PCDHA1: variants seen among roughly 807,000 people sequenced by gnomAD.
PCDHA1 encodes the protein protocadherin alpha 1.
Under a neutral mutation model 61.3 loss-of-function variants are expected in PCDHA1, and 42 were observed. The observed-to-expected ratio is 0.69, with a 90% CI of 0.54 to 0.89. The LOEUF is 0.89. PCDHA1 is among the 40% of genes least tolerant of loss of function. The pLI is 0.00. For missense variants in PCDHA1, 1,256 were observed against 1,235.3 expected, an observed-to-expected ratio of 1.02 and a Z score of -0.25; for synonymous variants, 610 against 553.8, an observed-to-expected ratio of 1.10 and a Z score of -1.43.
intron 1 of PCDHA1, chr5:140,807,543 T>C (rs1763959735): frequency 6.2e-7 from 1 of 1,614,164 alleles, no homozygotes; most frequent in South Asian, 1.1e-5. Context: ...GTTTTCCATG[T>C]GGACGTGGAG....
intron 1 of PCDHA1, chr5:140,841,677 T>A (rs2150320586): frequency 5.6e-6 from 9 of 1,614,014 alleles, no homozygotes; most frequent in Non-Finnish European, 7.6e-6. Flanking sequence ...GTTTTCCATG[T>A]GGACGTGGAG....
rs556197231 is a variant in PCDHA1, at chr5:140,969,709, A to C, written c.2395-9240A>C. The stretch of plus-strand genomic sequence containing the variant: ...AAATGGCCTCTGCTGTATCATCTAC[A>C]GGGAAATTTTTCTTTTGAAATCCTA... On this transcript the variant is annotated intron_variant, in intron 1 of 3. Transcript: ENST00000504120. Among the ~76,000 whole-genome samples, 11 of 152,304 alleles carry C rather than the reference A, an allele frequency of 7.2e-5. No individual in the cohort carries two copies. The East Asian group carries it at 1.5e-3, about 21-fold the overall frequency.
rs574140858 is a variant in PCDHA1 at position 140,929,782 on chromosome 5, A to C, written c.2395-49167A>C. On this transcript the variant is annotated intron_variant, in intron 1 of 3. Coordinates refer to ENST00000504120, the MANE Select transcript of PCDHA1 (RefSeq NM_018900.4). The stretch of plus-strand genomic sequence containing the variant: ...GACGATAACCACAAAAGATGTAAAA[A>C]TAAATTACAATGGGGGTTAAAAGAA... The C allele has an allele frequency of 1.8e-5, 3 of 168,346 alleles. No individual in the cohort carries two copies. The Admixed American group carries it at 1.9e-4, about 11-fold the overall frequency. 10.4% of individuals were successfully genotyped at this position (168,346 alleles called of 1,614,324 possible). A position where few individuals can be genotyped will look rare whatever the true frequency, so the allele number is the denominator to read the frequency against.
Position 140,821,852 on chromosome 5 carries a change from G to A in PCDHA1, c.2394+33168G>A, listed in dbSNP as rs1554128268. On this transcript the variant is annotated intron_variant, in intron 1 of 3. Transcript: ENST00000504120. ...CTTCTCCTTGCCTACTGGAAGGCAG[G>A]GAGCGGCCAGCTCCACTACTCGATC... The A allele has an allele frequency of 3.7e-6, 6 of 1,614,200 alleles. No homozygotes were observed. In the Middle Eastern group the frequency reaches 4.9e-4, roughly 133 times the overall value.
Position 140,786,748 on chromosome 5 carries a change from C to G in PCDHA1, c.458C>G (p.Pro153Arg), listed in dbSNP as rs1761329671. 6.2e-7 allele frequency: 1 copy of G among 1,614,050 alleles called. No individual in the cohort carries two copies. The highest frequency in any genetic ancestry group is 1.3e-5 in the African/African-American group (1 of 74,908). Residue 153 changes from proline (P) to arginine (R), a missense_variant, in exon 1 of 4, where the codon CCG (proline) becomes CGG (arginine). Physicochemically the swap from Pro to Arg is moderately radical, Grantham distance 103. Transcript: ENST00000504120. ...PESRLLNSRF[P>R]IEGAADADIG... ...TCTAGACTCCTGAATTCGCGTTTTC[C>G]GATAGAAGGAGCTGCTGATGCAGAC...
chr5:140,917,937 T>C (rs2078442259), intron 1 of PCDHA1, among the ~76,000 whole-genome samples: 1 of 152,186 alleles, frequency 6.6e-6, no homozygotes, highest in Non-Finnish European at 1.5e-5. Flanking sequence ...AAAAATAATA[T>C]TGGTAGTTTG....
intron 1 of PCDHA1, chr5:140,969,200 G>A: frequency 2.5e-6 from 4 of 1,614,132 alleles, no homozygotes; most frequent in Non-Finnish European, 3.4e-6. Context: ...TTACAATACA[G>A]GGGCCCAGAC....
At chr5:141,003,668 A>G (rs1353003376) in intron 3 of PCDHA1, among the ~76,000 whole-genome samples, 1 of 152,196 alleles carries the variant, frequency 6.6e-6, no homozygotes, top group Non-Finnish European at 1.5e-5. Context: ...ATTAAAATAT[A>G]TGTTGTTCTG....
rs1160932490 is a variant in PCDHA1 at position 140,857,948 on chromosome 5, C to A, written c.2394+69264C>A. 4.4e-6 allele frequency: 7 copies of A among 1,597,438 alleles called. 1 individual carries two copies. Among genetic ancestry groups the A allele is most frequent in the Non-Finnish European group, 6.0e-6 (7 of 1,167,420 alleles). On this transcript the variant is annotated intron_variant, in intron 1 of 3. Transcript: ENST00000504120. ...GTACACGGGCGAGATCAGTACGACG[C>A]GCGCTCTGGATGAGACTGACTCGCC...
chr5:140,849,989 G>T lies in PCDHA1; in HGVS notation c.2394+61305G>T, dbSNP rs150286933. On this transcript the variant is annotated intron_variant, in intron 1 of 3. Transcript: ENST00000504120. ...TGTCCTACTCGCTGGTGGAGCGGCG[G>T]TTGGGCGAGCGCTCGCTGTCGAGCT... The T allele has an allele frequency of 5.0e-4, 791 of 1,597,330 alleles. 42 individuals carry two copies. The African/African-American group carries it at 9.7e-3, about 20-fold the overall frequency.
At chr5:140,898,706 G>T (rs1554188200) in intron 1 of PCDHA1, among the ~76,000 whole-genome samples, 1 of 152,170 alleles carries the variant, frequency 6.6e-6, no homozygotes, top group Admixed American at 6.5e-5. Context: ...CTTTAAAGTA[G>T]TTTTTTCCAA....
intron 1 of PCDHA1, among the ~76,000 whole-genome samples, chr5:140,881,841 C>T (rs1386401088): frequency 6.6e-6 from 1 of 152,182 alleles, no homozygotes; most frequent in East Asian, 1.9e-4. Context: ...GCATGGAATT[C>T]TTACACATGG....
At chr5:140,971,376 C>CT (rs1334633165) in intron 1 of PCDHA1, among the ~76,000 whole-genome samples, 1 of 152,164 alleles carries the variant, frequency 6.6e-6, no homozygotes, top group Non-Finnish European at 1.5e-5. Context: ...GAGTGCATGA[C>CT]TTTAATAAAG....
intron 1 of PCDHA1, chr5:140,847,818 C>T (rs1781197996): frequency 1.3e-5 from 2 of 149,818 alleles, no homozygotes; most frequent in African/African-American, 2.4e-5. Flanking sequence ...CATAGAATTA[C>T]TCAAGAAAAC....
At chr5:140,865,006 T>C (rs1171249709) in intron 1 of PCDHA1, 2 of 152,174 alleles carry the variant, frequency 1.3e-5, no homozygotes, top group Non-Finnish European at 2.9e-5. Context: ...GAGACCAGCC[T>C]CGGCAACATA....
chr5:140,827,921 A>G (rs2150149765), intron 1 of PCDHA1: 1 of 938,742 alleles, frequency 1.1e-6, no homozygotes, highest in East Asian at 2.4e-5. Context: ...GTCGCTGTCT[A>G]CCATGAAGTT....
chr5:140,941,447 C>T (rs1180553779), intron 1 of PCDHA1, among the ~76,000 whole-genome samples: 1 of 150,780 alleles, frequency 6.6e-6, no homozygotes, highest in South Asian at 2.1e-4. Flanking sequence ...TCGGGAGTAG[C>T]TGGGATTACA....
At chr5:140,801,156 G>T in intron 1 of PCDHA1, 1 of 1,534,348 alleles carries the variant, frequency 6.5e-7, no homozygotes, top group Non-Finnish European at 8.7e-7. Flanking sequence ...TTTAAACTTT[G>T]GATCAATGTA....
chr5:140,964,939 T>C (rs1230992301), intron 1 of PCDHA1, among the ~76,000 whole-genome samples: 1 of 152,182 alleles, frequency 6.6e-6, no homozygotes, highest in Non-Finnish European at 1.5e-5. Flanking sequence ...GGAGCATTGA[T>C]AGTGAGTGTG....
Sources: gnomAD v4.1 joint callset for allele counts (sites outside exome capture counted in the v4.1 genomes callset) on GRCh38, gnomAD v4.1.1 for gene constraint, MANE v1.5 for transcripts, NCBI Gene and HGNC (gene_info 2026-07-23, HGNC 2026-07-21) for gene names.